Variants in TCTN2 observed in about 807,000 individuals in gnomAD.
The protein encoded by TCTN2 is tectonic family member 2.
TCTN2 carries 66 observed loss-of-function variants against 83.4 expected under a neutral mutation model. That is an observed-to-expected ratio of 0.79 (90% CI 0.65 to 0.97). TCTN2 has a LOEUF of 0.97. TCTN2 is among the 50% of genes least tolerant of loss of function. The pLI, the probability that TCTN2 is intolerant of heterozygous loss-of-function variation, is 0.00. For missense variants in TCTN2, 794 were observed against 858.1 expected (o/e 0.93, Z 0.93); for synonymous variants, 301 against 326.7 (o/e 0.92, Z 0.85).
intron 6 of TCTN2, among the ~76,000 whole-genome samples, chr12:123,687,381 G>A (rs1955985119): frequency 6.6e-6 from 1 of 152,230 alleles, no homozygotes; most frequent in African/African-American, 2.4e-5. Context: ...AAGTAGGCCG[G>A]GAGCGGTGGC....
chr12:123,679,565 T>C (rs527861807), intron 5 of TCTN2, among the ~76,000 whole-genome samples: 2 of 151,776 alleles, frequency 1.3e-5, no homozygotes, highest in African/African-American at 4.8e-5. Context: ...GATTTTGCCA[T>C]GTTGCTCAGG....
Position 123,707,325 on chromosome 12 carries a change from C to CA in TCTN2, c.1984+254dup. Reference sequence around the variant, plus strand: ...GCAGTGGCACAATCTCAGCTCACTGCAACCATTGCCTCCTGGGTTCAGACA... The same window carrying CA: ...GCAGTGGCACAATCTCAGCTCACTGCAAACCATTGCCTCCTGGGTTCAGACA... On this transcript the variant is annotated intron_variant, in intron 17 of 17. Coordinates refer to ENST00000303372, the MANE Select transcript of TCTN2 (RefSeq NM_024809.5). 7 of 611,330 alleles carry CA rather than the reference C, an allele frequency of 1.1e-5. 1 individual carries two copies. In the South Asian group the frequency reaches 1.4e-4, roughly 12 times the overall value. The allele number at this position is 611,330 out of a possible 1,614,324, so 37.9% of individuals were successfully genotyped here.
intron 5 of TCTN2, among the ~76,000 whole-genome samples, chr12:123,680,520 C>CTTT (rs534432331): frequency 7.2e-6 from 1 of 138,654 alleles, no homozygotes; most frequent in Non-Finnish European, 1.6e-5. Flanking sequence ...TTTTTTCTTT[C>CTTT]TTTTTTTTTT....
At chr12:123,687,168 A>G in intron 6 of TCTN2, 133 bp downstream of exon 6, 3 of 1,003,250 alleles carry the variant, frequency 3.0e-6, no homozygotes, top group South Asian at 2.7e-5. Flanking sequence ...AAAGGGTTCA[A>G]TTCTAGATTT....
At chr12:123,703,170 AT>A (rs947641566) in intron 14 of TCTN2, among the ~76,000 whole-genome samples, 52 of 144,070 alleles carry the variant, frequency 3.6e-4, no homozygotes, top group Non-Finnish European at 5.3e-4. Context: ...TTTTATTATT[AT>A]TTTTTTTTCA....
At chr12:123,682,350 A>G (rs1421111563) in intron 5 of TCTN2, among the ~76,000 whole-genome samples, 3 of 152,124 alleles carry the variant, frequency 2.0e-5, no homozygotes, top group Non-Finnish European at 2.9e-5. Context: ...GGATATTTGT[A>G]TATCTTTTTT....
At chr12:123,675,119 C>T (rs1566244207) in intron 4 of TCTN2, among the ~76,000 whole-genome samples, 1 of 152,124 alleles carries the variant, frequency 6.6e-6, no homozygotes, top group South Asian at 2.1e-4. Context: ...CCCAGGTGAT[C>T]CTCCCACCAT....
chr12:123,687,209 A>T (rs1168116932), intron 6 of TCTN2, among the ~76,000 whole-genome samples, 174 bp downstream of exon 6: 1 of 152,148 alleles, frequency 6.6e-6, no homozygotes, highest in Admixed American at 6.6e-5. Context: ...CATTATTTGG[A>T]AGAATTGGGC....
At chr12:123,684,399 CTTT>C (rs528065302) in intron 5 of TCTN2, among the ~76,000 whole-genome samples, 5 of 127,768 alleles carry the variant, frequency 3.9e-5, no homozygotes, top group Non-Finnish European at 6.8e-5. Context: ...TATTGTCATT[CTTT>C]TTTTTTTTTT....
chr12:123,701,943 C>G (rs1466698969), intron 14 of TCTN2, among the ~76,000 whole-genome samples: 1 of 152,112 alleles, frequency 6.6e-6, no homozygotes. Context: ...CTTCATCAGG[C>G]CTGATTTCAC....
chr12:123,685,661 C>T (rs989938168), intron 5 of TCTN2, among the ~76,000 whole-genome samples: 12 of 151,330 alleles, frequency 7.9e-5, no homozygotes, highest in Admixed American at 2.6e-4. Flanking sequence ...TTAGGTGATC[C>T]GCGTGCCTCA....
At chr12:123,673,866 G>T in intron 4 of TCTN2, 56 bp downstream of exon 4, 1 of 1,556,310 alleles carries the variant, frequency 6.4e-7, no homozygotes, top group Non-Finnish European at 8.9e-7. Context: ...TACTTAGGAG[G>T]AAGAGGTAGG....
At position 123,707,659 on chromosome 12, in the gene TCTN2, A is replaced by G; in HGVS notation, c.2040A>G (p.Thr680=). The G allele has an allele frequency of 6.2e-7, 1 of 1,614,148 alleles. No individual in the cohort carries two copies. The highest frequency in any genetic ancestry group is 8.5e-7 in the Non-Finnish European group (1 of 1,180,018). The change falls in exon 18 of 18, where the codon ACA becomes ACG. Residue 680 remains threonine (T), a synonymous_variant. Coordinates refer to ENST00000303372, the MANE Select transcript of TCTN2 (RefSeq NM_024809.5). ...GCTTACTGTTGCTGTTGTTCCTCAC[A>G]TTGGCCTTGTTCCTCAGCAACCCCT... is the stretch of plus-strand genomic sequence containing the variant. ...AKGLLLLLFL[T]LALFLSNPWT...
At chr12:123,676,566 TAAAAAAA>T (rs60100973) in intron 4 of TCTN2, among the ~76,000 whole-genome samples, 871 of 60,706 alleles carry the variant, frequency 0.014, 19 homozygotes, top group African/African-American at 0.05. Flanking sequence ...AGACTCCATC[TAAAAAAA>T]AAAAAAAAAA....
chr12:123,671,725 G>C, intron 2 of TCTN2, 111 bp downstream of exon 2: 2 of 893,960 alleles, frequency 2.2e-6, no homozygotes, highest in South Asian at 2.9e-5. Context: ...TCTCTGCAAA[G>C]TCGCATGGGG....
chr12:123,706,600 C>T, intron 15 of TCTN2, 126 bp from the exon 16 acceptor site: 1 of 1,405,368 alleles, frequency 7.1e-7, no homozygotes, highest in Non-Finnish European at 1.0e-6. Context: ...AAAAAACAGC[C>T]CAGGTAGAAT....
chr12:123,690,606 C>T lies in TCTN2; in HGVS notation c.965C>T (p.Thr322Ile), dbSNP rs2135839958. The T allele has an allele frequency of 6.2e-7, 1 of 1,614,090 alleles. No individual in the cohort carries two copies. Among genetic ancestry groups the T allele is most frequent in the African/African-American group, 1.3e-5 (1 of 74,994 alleles). Residue 322 changes from threonine (T) to isoleucine (I), a missense_variant, in exon 8 of 18, where the codon ACT (threonine) becomes ATT (isoleucine). Transcript: ENST00000303372. ...CACAATTTTGATGTTAAATGCGTTA[C>T]TAATTTGGAACTATACCAAGAACGA... is the stretch of plus-strand genomic sequence containing the variant. ...FLHNFDVKCVTNLELYQERDG... is the reference protein window; with the variant it reads ...FLHNFDVKCVINLELYQERDG...
At chr12:123,675,428 G>A (rs1467303721) in intron 4 of TCTN2, among the ~76,000 whole-genome samples, 1 of 152,152 alleles carries the variant, frequency 6.6e-6, no homozygotes, top group Non-Finnish European at 1.5e-5. Flanking sequence ...AGGGAGAAGC[G>A]TTCCAGACTT....
intron 5 of TCTN2, among the ~76,000 whole-genome samples, chr12:123,685,654 G>A (rs1955955434): frequency 6.6e-6 from 1 of 151,204 alleles, no homozygotes; most frequent in Non-Finnish European, 1.5e-5. Flanking sequence ...CCTGACCTTA[G>A]GTGATCCGCG....
Sources: gnomAD v4.1 joint callset for allele counts (sites outside exome capture counted in the v4.1 genomes callset) on GRCh38, gnomAD v4.1.1 for gene constraint, MANE v1.5 for transcripts, NCBI Gene and HGNC (gene_info 2026-07-23, HGNC 2026-07-21) for gene names.